Variants in TPM4 observed in about 807,000 individuals in gnomAD.
TPM4 encodes tropomyosin alpha-4 chain.
In TPM4, 17 loss-of-function variants were observed where a neutral mutation model predicts 35.8. The observed-to-expected ratio is 0.47, with a 90% CI of 0.32 to 0.71. TPM4 has a LOEUF of 0.71. Ranked by LOEUF, TPM4 falls within the 30% of genes least tolerant of loss-of-function variation. The pLI is 0.03. For synonymous variants in TPM4, 120 were observed against 122.9 expected, an observed-to-expected ratio of 0.98 and a Z score of 0.15; for missense variants, 240 against 320.9, an observed-to-expected ratio of 0.75 and a Z score of 1.93.
chr19:16,095,286 C>G (rs1191036011), intron 7 of TPM4: 5 of 1,030,862 alleles, frequency 4.9e-6, no homozygotes, highest in Non-Finnish European at 5.8e-6. Flanking sequence ...CTCAGAAGCT[C>G]AAGTACAAAG....
chr19:16,079,159 C>T (rs1336033913), intron 1 of TPM4, among the ~76,000 whole-genome samples: 3 of 152,138 alleles, frequency 2.0e-5, no homozygotes, highest in Non-Finnish European at 2.9e-5. Context: ...TGAAAATCTG[C>T]CAAAAGCGTT....
intron 5 of TPM4, chr19:16,093,154 C>A: frequency 5.2e-6 from 1 of 192,402 alleles, no homozygotes; most frequent in Non-Finnish European, 1.1e-5. Flanking sequence ...CACACCCAGC[C>A]CTCCTTTTCT....
chr19:16,095,586 C>G, intron 7 of TPM4: 1 of 1,012,248 alleles, frequency 9.9e-7, no homozygotes, highest in Middle Eastern at 4.8e-4. Context: ...TAGCCTGAAA[C>G]ACAAAGTGGG....
At chr19:16,087,274 C>T (rs1484080919) in intron 3 of TPM4, among the ~76,000 whole-genome samples, 3 of 151,874 alleles carry the variant, frequency 2.0e-5, no homozygotes, top group Admixed American at 6.6e-5. Context: ...AGAGCAAGAC[C>T]CTCTGTCAAA....
chr19:16,099,307 C>A (rs908533497), intron 7 of TPM4, among the ~76,000 whole-genome samples: 2 of 149,630 alleles, frequency 1.3e-5, no homozygotes, highest in Non-Finnish European at 3.0e-5. Flanking sequence ...GTCTCGAACT[C>A]CTTACATCAA....
Position 16,101,732 on chromosome 19 carries a change from T to G in TPM4, c.*386T>G, listed in dbSNP as rs1735519760. 1 of 243,742 alleles carries G rather than the reference T, an allele frequency of 4.1e-6. No homozygotes were observed. The highest frequency in any genetic ancestry group is 8.0e-6 in the Non-Finnish European group (1 of 124,228). 15.1% of individuals were successfully genotyped at this position (243,742 alleles called of 1,614,324 possible). On this transcript the variant is annotated 3_prime_UTR_variant, in exon 8 of 8. Transcript: ENST00000643579. ...CTAGTCGTGGATATAATTAAAACGC[T>G]GAAGACCATAACCTTTTGGGTCAAC...
At chr19:16,068,790 T>C (rs570877832) in intron 2 of TPM4, among the ~76,000 whole-genome samples, 2 of 151,698 alleles carry the variant, frequency 1.3e-5, no homozygotes, top group Non-Finnish European at 2.9e-5. Context: ...TGTTTGAGCC[T>C]TTCTGTGTGT....
At chr19:16,075,346 G>A (rs1336704186), upstream of TPM4, 1 of 152,068 alleles carries the variant, frequency 6.6e-6, no homozygotes, top group African/African-American at 2.4e-5. Flanking sequence ...GGGAAAGTAG[G>A]GGACATTTTT....
rs902194274 is a variant in TPM4 at position 16,102,144 on chromosome 19, C to G, written c.*798C>G. 17 of 190,302 alleles carry G rather than the reference C, an allele frequency of 8.9e-5. No homozygotes were observed. The highest frequency in any genetic ancestry group is 4.0e-4 in the African/African-American group (17 of 42,870). The allele number at this position is 190,302 out of a possible 1,614,324, so 11.8% of individuals were successfully genotyped here. The stretch of plus-strand genomic sequence containing the variant: ...GACAGATCACTTGAGGTCAGGAGTT[C>G]GAGACCAGCCCAGCCAACATGGCGA... On this transcript the variant is annotated 3_prime_UTR_variant, in exon 8 of 8. Transcript: ENST00000643579.
Position 16,086,444 on chromosome 19 carries a change from C to G in TPM4, c.288C>G (p.Asn96Lys). 1 of 1,613,262 alleles carries G rather than the reference C, an allele frequency of 6.2e-7. No individual in the cohort carries two copies. The highest frequency in any genetic ancestry group is 8.5e-7 in the Non-Finnish European group (1 of 1,179,928). ...ESERGMKVIE[N>K]RAMKDEEKME... Reference sequence around the variant, plus strand: ...GCAGAGGAATGAAGGTGATAGAAAACCGGGCCATGAAGGATGAGGAGAAGA... The same window carrying G: ...GCAGAGGAATGAAGGTGATAGAAAAGCGGGCCATGAAGGATGAGGAGAAGA... Residue 96 changes from asparagine (N) to lysine (K), a missense_variant, in exon 3 of 8, where the codon AAC becomes AAG. Coordinates refer to ENST00000643579, the MANE Select transcript of TPM4 (RefSeq NM_003290.3).
intron 7 of TPM4, chr19:16,095,336 C>CCT (rs936455660): frequency 4.8e-6 from 5 of 1,038,416 alleles, no homozygotes; most frequent in Non-Finnish European, 5.8e-6. Flanking sequence ...AACGACATGA[C>CCT]CTCTCTCTGA....
At chr19:16,086,734 C>T (rs924319934) in intron 3 of TPM4, among the ~76,000 whole-genome samples, 194 bp downstream of exon 3, 4 of 152,136 alleles carry the variant, frequency 2.6e-5, no homozygotes, top group African/African-American at 7.2e-5. Context: ...GTGCTGCGGA[C>T]GCTTGTCTAA....
At chr19:16,078,064 C>T (rs540732753) in intron 1 of TPM4, 15 of 398,258 alleles carry the variant, frequency 3.8e-5, no homozygotes, top group East Asian at 2.5e-4. Context: ...TGAGCCACGG[C>T]GCCCAGCCTC....
intron 2 of TPM4, among the ~76,000 whole-genome samples, chr19:16,084,756 A>G (rs913982691): frequency 2.6e-5 from 4 of 152,148 alleles, no homozygotes; most frequent in African/African-American, 7.2e-5. Context: ...AATAACCCAG[A>G]GAGCTTGCTC....
chr19:16,088,187 G>C (rs1238345347), intron 4 of TPM4, 90 bp downstream of exon 4: 2 of 1,521,752 alleles, frequency 1.3e-6, no homozygotes, highest in Non-Finnish European at 1.8e-6. Context: ...GGCTCTGACC[G>C]GGGTCTCTGC....
chr19:16,081,396 G>GTTTTTT (rs2090480768), intron 1 of TPM4: 1 of 166,156 alleles, frequency 6.0e-6, no homozygotes, highest in African/African-American at 3.6e-5. Context: ...TGGGACACTC[G>GTTTTTT]CTTTTTTTTT....
At chr19:16,088,736 T>G in intron 4 of TPM4, 2 of 1,119,976 alleles carry the variant, frequency 1.8e-6, no homozygotes, top group Non-Finnish European at 2.2e-6. Flanking sequence ...CCTTCCGGAG[T>G]CGGCCTCATC....
Position 16,067,975 on chromosome 19 carries a change from G to C in TPM4, c.114+237G>C, listed in dbSNP as rs1490402559. 4.0e-5 allele frequency: 20 copies of C among 500,014 alleles called. No individual in the cohort carries two copies. In the East Asian group the frequency reaches 7.2e-4, roughly 18 times the overall value. The allele number at this position is 500,014 out of a possible 1,614,324, so 31.0% of individuals were successfully genotyped here. Reference sequence around the variant, plus strand: ...CAGTGCGAACAAAGTGAGTTTGACAGAGAGAGAGTTGGCGGGGGAGGGAGA... The same window carrying C: ...CAGTGCGAACAAAGTGAGTTTGACACAGAGAGAGTTGGCGGGGGAGGGAGA... On this transcript the variant is annotated intron_variant, in intron 2 of 2. Transcript: ENST00000589897. This position sits in a 1 kb window ranked among gnomAD's most constrained non-coding sequence, Gnocchi z 4.1.
rs562094458 is a variant in TPM4 at position 16,087,204 on chromosome 19, C to T, written c.384+664C>T. On this transcript the variant is annotated intron_variant, in intron 3 of 7. Coordinates refer to ENST00000643579, the MANE Select transcript of TPM4 (RefSeq NM_003290.3). ...GGCTGAGGCAGGAGGATCGCTTGAA[C>T]CTGGGAAGTCAAGGCTGCAGTGAGC... is the stretch of plus-strand genomic sequence containing the variant. Among the ~76,000 whole-genome samples the T allele has an allele frequency of 5.9e-5, 9 of 152,110 alleles. No homozygotes were observed. The South Asian group carries it at 1.9e-3, about 32-fold the overall frequency.
Sources: gnomAD v4.1 joint callset for allele counts (sites outside exome capture counted in the v4.1 genomes callset) on GRCh38, gnomAD v4.1.1 for gene constraint, Gnocchi (gnomAD v3.1) non-coding constraint, MANE v1.5 for transcripts, NCBI Gene and HGNC (gene_info 2026-07-23, HGNC 2026-07-21) for gene names.